Variants in MRTFB observed in about 807,000 individuals in gnomAD.
MRTFB encodes myocardin-related transcription factor B.
MRTFB carries 29 observed loss-of-function variants against 104.2 expected under a neutral mutation model. The observed-to-expected ratio is 0.28, with a 90% CI of 0.21 to 0.38. The LOEUF (loss-of-function observed/expected upper bound fraction) is 0.38. Ranked by LOEUF, MRTFB falls within the 10% of genes least tolerant of loss-of-function variation. The pLI is 1.00. For missense variants in MRTFB, 1,270 were observed against 1,341.6 expected, an observed-to-expected ratio of 0.95 and a Z score of 0.83; for synonymous variants, 535 against 519.5, an observed-to-expected ratio of 1.03 and a Z score of -0.41.
At chr16:14,043,172 T>C in the MRTFB span, among the ~76,000 whole-genome samples, 1 of 152,222 alleles carries the variant, frequency 6.6e-6, no homozygotes, top group African/African-American at 2.4e-5. Context: ...TTCTTGACTA[T>C]GGTGCTGATA....
chr16:14,158,299 C>T (rs897843323), intron 3 of MRTFB, among the ~76,000 whole-genome samples: 2 of 152,168 alleles, frequency 1.3e-5, no homozygotes, highest in South Asian at 2.1e-4. Context: ...ACACGGTAGG[C>T]CTAGAACCAA....
chr16:14,069,903 GC>G (rs1439600712), upstream of MRTFB, among the ~76,000 whole-genome samples: 19 of 152,218 alleles, frequency 1.2e-4, no homozygotes, highest in Non-Finnish European at 1.3e-4. Flanking sequence ...CTTTGTAGCT[GC>G]CCAGCAGGTG....
chr16:14,001,739 C>G, the MRTFB span, among the ~76,000 whole-genome samples: 1 of 152,226 alleles, frequency 6.6e-6, no homozygotes, highest in Admixed American at 6.5e-5. Flanking sequence ...AACTCTCATC[C>G]AAAGTTCCCT....
At chr16:14,089,395 A>G (rs949098326) in intron 2 of MRTFB, among the ~76,000 whole-genome samples, 12 of 152,236 alleles carry the variant, frequency 7.9e-5, no homozygotes, top group African/African-American at 2.9e-4. Context: ...TGTAAATGGA[A>G]TCATAAAAAT....
At chr16:14,068,231 C>G (rs1196124628), upstream of MRTFB, among the ~76,000 whole-genome samples, 2 of 152,176 alleles carry the variant, frequency 1.3e-5, no homozygotes, top group African/African-American at 4.8e-5. Context: ...AAAGAATCCA[C>G]CCATGGTAAT....
the MRTFB span, among the ~76,000 whole-genome samples, chr16:14,052,291 T>C: frequency 6.6e-6 from 1 of 152,192 alleles, no homozygotes; most frequent in East Asian, 1.9e-4. Context: ...TTTTTATTGT[T>C]ACATAATAAT....
intron 5 of MRTFB, 92 bp from the exon 6 acceptor site, chr16:14,213,453 G>T (rs183026886): frequency 8.1e-5 from 67 of 827,264 alleles, no homozygotes; most frequent in Non-Finnish European, 1.1e-4. Context: ...GACCATAAGC[G>T]TATCGTTTAT....
chr16:14,160,109 A>T (rs1044845295), intron 3 of MRTFB, among the ~76,000 whole-genome samples: 4 of 152,228 alleles, frequency 2.6e-5, no homozygotes, highest in African/African-American at 9.6e-5. Context: ...ATATTCATAT[A>T]TCCCCACTTT....
At chr16:14,109,672 A>G (rs1302956192) in intron 2 of MRTFB, among the ~76,000 whole-genome samples, 1 of 152,192 alleles carries the variant, frequency 6.6e-6, no homozygotes, top group African/African-American at 2.4e-5. Context: ...AGTATAAGTA[A>G]TTGTCCCTGG....
the MRTFB span, among the ~76,000 whole-genome samples, chr16:14,039,907 CCTGT>C: frequency 2.0e-5 from 3 of 151,904 alleles, no homozygotes; most frequent in Non-Finnish European, 4.4e-5. Context: ...CACCACCACG[CCTGT>C]CTAATTTTGT....
chr16:14,091,945 A>T (rs1256305284), intron 2 of MRTFB, among the ~76,000 whole-genome samples: 8 of 140,926 alleles, frequency 5.7e-5, no homozygotes, highest in Non-Finnish European at 1.2e-4. Context: ...CAGTGAGCCG[A>T]GATCATGCCA....
At chr16:14,055,960 T>A in the MRTFB span, among the ~76,000 whole-genome samples, 1 of 152,156 alleles carries the variant, frequency 6.6e-6, no homozygotes, top group East Asian at 1.9e-4. Context: ...CCCTCATTGC[T>A]TCTACATTTA....
At chr16:14,206,570 T>C (rs1322892651) in intron 3 of MRTFB, among the ~76,000 whole-genome samples, 2 of 152,238 alleles carry the variant, frequency 1.3e-5, no homozygotes, top group African/African-American at 4.8e-5. Flanking sequence ...TGTGTGTTTT[T>C]GTTTTGAGAC....
At chr16:14,154,879 A>G (rs879880692) in intron 3 of MRTFB, among the ~76,000 whole-genome samples, 2 of 152,234 alleles carry the variant, frequency 1.3e-5, no homozygotes. Flanking sequence ...TATGAAAGCC[A>G]GTAAGAGAGA....
chr16:14,179,964 T>C (rs1222863992), intron 3 of MRTFB, among the ~76,000 whole-genome samples: 1 of 152,226 alleles, frequency 6.6e-6, no homozygotes, highest in Non-Finnish European at 1.5e-5. Flanking sequence ...GAGTGCAGAT[T>C]AGTCTGGTTA....
chr16:14,249,540 C>G (rs2043167057), intron 13 of MRTFB, among the ~76,000 whole-genome samples: 1 of 152,158 alleles, frequency 6.6e-6, no homozygotes, highest in South Asian at 2.1e-4. Context: ...ATTAAGAGCC[C>G]AGAAGGTCTT....
intron 2 of MRTFB, among the ~76,000 whole-genome samples, chr16:14,130,278 T>C (rs2037371130): frequency 6.6e-6 from 1 of 152,250 alleles, no homozygotes; most frequent in African/African-American, 2.4e-5. Flanking sequence ...GTCAGTAGTT[T>C]TGTCTAAAAT....
intron 2 of MRTFB, among the ~76,000 whole-genome samples, chr16:14,106,704 G>T (rs1357039827): frequency 6.6e-6 from 1 of 152,134 alleles, no homozygotes; most frequent in African/African-American, 2.4e-5. Context: ...AAGAGTGAGG[G>T]TATCATGTTT....
At chr16:14,182,258 G>C (rs997271944) in intron 3 of MRTFB, among the ~76,000 whole-genome samples, 1 of 152,192 alleles carries the variant, frequency 6.6e-6, no homozygotes, top group African/African-American at 2.4e-5. Flanking sequence ...GGGGAGGCAG[G>C]CCAGTGTAGA....
Sources: allele counts gnomAD v4.1 joint callset (sites outside exome capture counted in the v4.1 genomes callset), GRCh38; gene constraint gnomAD v4.1.1; transcripts MANE v1.5; gene names NCBI Gene and HGNC (gene_info 2026-07-23, HGNC 2026-07-21).